CAPN13: variants seen among roughly 807,000 people sequenced by gnomAD.
CAPN13 encodes calpain-13.
CAPN13 carries 90 observed loss-of-function variants against 98.4 expected under a neutral mutation model. The observed-to-expected ratio is 0.92, with a 90% CI of 0.77 to 1.09. The LOEUF is 1.09. Ranked by LOEUF, CAPN13 falls within the 50% of genes least tolerant of loss-of-function variation. The pLI, the probability that CAPN13 is intolerant of heterozygous loss-of-function variation, is 0.00. For missense variants in CAPN13, 887 were observed against 841.3 expected (o/e 1.05, Z -0.67); for synonymous variants, 330 against 305.5 (o/e 1.08, Z -0.84).
intron 1 of CAPN13, among the ~76,000 whole-genome samples, chr2:30,806,773 G>A (rs774808415): frequency 6.6e-6 from 1 of 152,182 alleles, no homozygotes; most frequent in Non-Finnish European, 1.5e-5. Context: ...CTCTGAAGTT[G>A]TAATGATCTG....
intron 7 of CAPN13, among the ~76,000 whole-genome samples, chr2:30,761,264 G>C (rs1411391729): frequency 6.6e-6 from 1 of 152,192 alleles, no homozygotes; most frequent in Non-Finnish European, 1.5e-5. Flanking sequence ...ATGCGGTCTT[G>C]ATCACCTGTC....
intron 7 of CAPN13, among the ~76,000 whole-genome samples, chr2:30,758,580 G>C (rs868789613): frequency 6.6e-6 from 1 of 152,194 alleles, no homozygotes; most frequent in African/African-American, 2.4e-5. Flanking sequence ...CTATGGTGCA[G>C]TCTCAACAGC....
chr2:30,776,091 A>T, intron 3 of CAPN13, 46 bp from the exon 4 acceptor site: 2 of 1,293,978 alleles, frequency 1.5e-6, no homozygotes, highest in Non-Finnish European at 2.2e-6. Flanking sequence ...ACACACTTGG[A>T]AACCCTCCCC....
At chr2:30,787,066 G>A in intron 2 of CAPN13, 62 bp downstream of exon 2, 2 of 1,340,998 alleles carry the variant, frequency 1.5e-6, no homozygotes, top group Non-Finnish European at 2.0e-6. Flanking sequence ...TTGGCTGGAG[G>A]TGCCATGGCA....
In CAPN13 at chr2:30,722,940, A is replaced by G. The variant is rs995196151; in HGVS notation, c.*327T>C. 1 of 152,272 alleles carries G rather than the reference A, an allele frequency of 6.6e-6. No individual in the cohort carries two copies. The highest frequency in any genetic ancestry group is 1.5e-5 in the Non-Finnish European group (1 of 68,056). The allele number at this position is 152,272 out of a possible 1,614,324, so 9.4% of individuals were successfully genotyped here. A position where few individuals can be genotyped will look rare whatever the true frequency, so the allele number is the denominator to read the frequency against. On this transcript the variant is annotated 3_prime_UTR_variant, in exon 23 of 23. Transcript: ENST00000295055. ...CTGGCTCTTCCAAGAAATGAATCCAACTGGTGACAGGGGACTCAGAGACAA... is the reference window on the plus strand; with the variant it reads ...CTGGCTCTTCCAAGAAATGAATCCAGCTGGTGACAGGGGACTCAGAGACAA...
At chr2:30,750,941 T>C (rs753672578) in intron 11 of CAPN13, among the ~76,000 whole-genome samples, 162 bp downstream of exon 11, 2 of 152,222 alleles carry the variant, frequency 1.3e-5, no homozygotes, top group African/African-American at 2.4e-5. Flanking sequence ...TCAGATTTTT[T>C]GCACATTTAG....
At chr2:30,795,467 G>T (rs1674811944) in intron 1 of CAPN13, among the ~76,000 whole-genome samples, 1 of 152,068 alleles carries the variant, frequency 6.6e-6, no homozygotes, top group Non-Finnish European at 1.5e-5. Flanking sequence ...GTGGGAGTAG[G>T]TGGTAACTCC....
chr2:30,769,014 G>A (rs977578721), intron 5 of CAPN13, among the ~76,000 whole-genome samples: 11 of 151,962 alleles, frequency 7.2e-5, no homozygotes, highest in South Asian at 2.1e-4. Context: ...CTACACGCAC[G>A]TCTCACACCC....
intron 15 of CAPN13, among the ~76,000 whole-genome samples, chr2:30,740,037 T>C (rs1312296165): frequency 6.6e-6 from 1 of 151,520 alleles, no homozygotes; most frequent in Non-Finnish European, 1.5e-5. Flanking sequence ...TCACCACTAC[T>C]ACAGTGAAGG....
chr2:30,747,771 G>C (rs1009522548), intron 11 of CAPN13, among the ~76,000 whole-genome samples: 45 of 152,212 alleles, frequency 3.0e-4, no homozygotes, highest in Admixed American at 1.6e-3. Context: ...CAGCTGAACT[G>C]TGAAAGCAAC....
At chr2:30,777,875 G>A (rs1466527262) in intron 2 of CAPN13, among the ~76,000 whole-genome samples, 2 of 152,154 alleles carry the variant, frequency 1.3e-5, no homozygotes, top group Non-Finnish European at 2.9e-5. Context: ...ATACTACATG[G>A]AGAGATAACA....
intron 1 of CAPN13, among the ~76,000 whole-genome samples, chr2:30,805,739 A>G (rs13000278): frequency 0.59 from 78,124 of 133,060 alleles, 21,826 homozygotes; most frequent in African/African-American, 0.64. Flanking sequence ...CAGGGCCAGT[A>G]GGTTGGTCTT....
rs1259225973 is a variant in CAPN13 at position 30,764,256 on chromosome 2, A to G, written c.575T>C (p.Leu192Pro). The G allele has an allele frequency of 1.9e-6, 3 of 1,613,826 alleles. No individual in the cohort carries two copies. In the South Asian group the frequency reaches 3.3e-5, roughly 18 times the overall value. Residue 192 changes from leucine to proline, a missense_variant, in exon 6 of 23, where the codon CTG (leucine) becomes CCG (proline). Transcript: ENST00000295055. ...DLHYGFLEDA[L>P]VDLTGGVITN... ...GATCACGCCTCCTGTGAGGTCCACC[A>G]GGGCATCCTCGAGGAAGCCATAGTG... is the stretch of plus-strand genomic sequence containing the variant.
intron 13 of CAPN13, chr2:30,743,129 T>C (rs1671739472): frequency 1.9e-6 from 1 of 514,968 alleles, no homozygotes; most frequent in Non-Finnish European, 3.4e-6. Flanking sequence ...TCAGTCCCTC[T>C]TGCCACTCAG....
chr2:30,743,331 T>A (rs1671748633), intron 13 of CAPN13, 52 bp downstream of exon 13: 3 of 1,496,574 alleles, frequency 2.0e-6, no homozygotes, highest in African/African-American at 1.4e-5. Context: ...CACAATGTGT[T>A]TTTATAAAGT....
intron 22 of CAPN13, among the ~76,000 whole-genome samples, chr2:30,728,488 G>A (rs1214769818): frequency 2.0e-5 from 3 of 152,136 alleles, no homozygotes; most frequent in Non-Finnish European, 4.4e-5. Flanking sequence ...GTGACTGACA[G>A]CCAAGACAGA....
chr2:30,754,054 T>C (rs570059119), intron 9 of CAPN13, among the ~76,000 whole-genome samples: 1 of 152,290 alleles, frequency 6.6e-6, no homozygotes, highest in Non-Finnish European at 1.5e-5. Flanking sequence ...TCTTTTACTA[T>C]TAAAATGTCC....
intron 2 of CAPN13, among the ~76,000 whole-genome samples, 177 bp from the exon 3 acceptor site, chr2:30,777,816 G>A (rs556920162): frequency 6.6e-6 from 1 of 152,310 alleles, no homozygotes; most frequent in East Asian, 1.9e-4. Context: ...GGCAGCAGGT[G>A]TCACGGAGTG....
chr2:30,758,023 A>G, intron 8 of CAPN13, 23 bp downstream of exon 8: 1 of 1,574,630 alleles, frequency 6.4e-7, no homozygotes, highest in African/African-American at 1.4e-5. Context: ...TGAAGGATGG[A>G]GAGAGGTTTC....
Sources: gnomAD v4.1 joint callset for allele counts (sites outside exome capture counted in the v4.1 genomes callset) on GRCh38, gnomAD v4.1.1 for gene constraint, MANE v1.5 for transcripts, NCBI Gene and HGNC (gene_info 2026-07-23, HGNC 2026-07-21) for gene names.